The following MMP11 variants were observed in gnomAD, a reference collection of about 807,000 sequenced individuals.
MMP11 encodes stromelysin-3.
A neutral mutation model predicts 49.5 loss-of-function variants in MMP11; 26 were observed. That is an observed-to-expected ratio of 0.52 (90% CI 0.38 to 0.73). The LOEUF is 0.73. Ranked by LOEUF, MMP11 falls within the 30% of genes least tolerant of loss-of-function variation. MMP11 has a pLI of 0.00. For synonymous variants in MMP11, 265 were observed against 282.3 expected (o/e 0.94, Z 0.62); for missense variants, 624 against 671.2 (o/e 0.93, Z 0.78).
At chr22:23,776,155 G>T (rs1384381046) in intron 1 of MMP11, among the ~76,000 whole-genome samples, 1 of 152,168 alleles carries the variant, frequency 6.6e-6, no homozygotes, top group Admixed American at 6.5e-5. Flanking sequence ...GGGCATGCCC[G>T]TGGCTCTCCC....
rs1927719033 is a variant in MMP11, at chr22:23,783,461, A to G, written c.1384A>G (p.Lys462Glu). Residue 462 changes from lysine to glutamate, a missense_variant, in exon 8 of 8, where the codon AAG becomes GAG. By Grantham distance (56) the Lys-to-Glu change is moderately conservative (BLOSUM62 1). Coordinates refer to ENST00000215743, the MANE Select transcript of MMP11 (RefSeq NM_005940.5). ...CCTCTACTGGAAGTTTGACCCTGTG[A>G]AGGTGAAGGCTCTGGAAGGCTTCCC... ...GRLYWKFDPV[K>E]VKALEGFPRL... 6.2e-7 allele frequency: 1 copy of G among 1,613,986 alleles called. No individual in the cohort carries two copies. The highest frequency in any genetic ancestry group is 1.3e-5 in the African/African-American group (1 of 74,886).
At position 23,781,241 on chromosome 22, in the gene MMP11, A is replaced by G. The variant is rs1224518468; in HGVS notation, c.907A>G (p.Thr303Ala). 1.2e-6 allele frequency: 2 copies of G among 1,611,440 alleles called. No homozygotes were observed. Among genetic ancestry groups the G allele is most frequent in the South Asian group, 1.1e-5 (1 of 91,092 alleles). Residue 303 changes from threonine to alanine, a missense_variant, in exon 6 of 8, where the codon ACC becomes GCC. Coordinates refer to ENST00000215743, the MANE Select transcript of MMP11 (RefSeq NM_005940.5). The part of the protein sequence containing the change: ...ACEASFDAVS[T>A]IRGELFFFKA... ...TGAGGCCTCCTTTGACGCGGTCTCCACCATCCGAGGCGAGCTCTTTTTCTT... is the reference window on the plus strand; with the variant it reads ...TGAGGCCTCCTTTGACGCGGTCTCCGCCATCCGAGGCGAGCTCTTTTTCTT...
chr22:23,775,713 G>A (rs1013111774), intron 1 of MMP11, among the ~76,000 whole-genome samples: 5 of 152,250 alleles, frequency 3.3e-5, no homozygotes, highest in East Asian at 1.9e-4. Flanking sequence ...AGGCCTGAAA[G>A]CTCCCTTCTA....
intron 7 of MMP11, among the ~76,000 whole-genome samples, chr22:23,782,828 C>G (rs995081134): frequency 2.6e-5 from 4 of 152,116 alleles, no homozygotes; most frequent in Non-Finnish European, 4.4e-5. Flanking sequence ...TGTTGTGAAC[C>G]CAGTTTCCAG....
Position 23,779,334 on chromosome 22 carries a change from T to C in MMP11, c.256T>C (p.Ser86Pro), listed in dbSNP as rs28363648. The C allele has an allele frequency of 0.011, 17,548 of 1,612,914 alleles. 583 individuals carry two copies. Among genetic ancestry groups the C allele is most frequent in the South Asian group, 0.098 (8,895 of 90,958 alleles). Reference sequence around the variant, plus strand: ...TCCCCGCTGTGGCGTGCCCGACCCATCTGATGGGCTGAGTGCCCGCAACCG... The same window carrying C: ...TCCCCGCTGTGGCGTGCCCGACCCACCTGATGGGCTGAGTGCCCGCAACCG... ...RPPRCGVPDP[S>P]DGLSARNRQK... The change falls in exon 2 of 8, where the codon TCT becomes CCT. Residue 86 changes from serine (S) to proline (P), a missense_variant. Transcript: ENST00000215743.
At chr22:23,779,831 T>G in intron 2 of MMP11, 1 of 263,606 alleles carries the variant, frequency 3.8e-6, no homozygotes, top group Non-Finnish European at 7.3e-6. Flanking sequence ...CCATCACAAC[T>G]TGGGCTTCGA....
In MMP11 at chr22:23,779,201, C is replaced by T. The variant is rs1433837976; in HGVS notation, c.123C>T (p.Leu41=). ...CTCCTGCCTAGGACGCCCACCACCT[C>T]CATGCCGAGAGGAGGGGGCCACAGC... ...ARALPPDAHH[L]HAERRGPQPW... The change falls in exon 2 of 8, where the codon CTC becomes CTT. Residue 41 remains leucine, a synonymous_variant. Coordinates refer to ENST00000215743, the MANE Select transcript of MMP11 (RefSeq NM_005940.5). The T allele has an allele frequency of 6.2e-7, 1 of 1,600,044 alleles. No homozygotes were observed. Among genetic ancestry groups the T allele is most frequent in the African/African-American group, 1.3e-5 (1 of 74,852 alleles).
intron 2 of MMP11, chr22:23,779,739 C>A: frequency 2.3e-6 from 1 of 427,972 alleles, no homozygotes; most frequent in South Asian, 3.4e-5. Flanking sequence ...GGCTCTGGGA[C>A]TCCACGGTGA....
rs962926280 is a variant in MMP11, at chr22:23,783,152, A to T, written c.1334-259A>T. Among the ~76,000 whole-genome samples the T allele has an allele frequency of 4.6e-5, 7 of 152,132 alleles. No homozygotes were observed. In the South Asian group the frequency reaches 1.5e-3, roughly 32 times the overall value. On this transcript the variant is annotated intron_variant, in intron 7 of 7. Coordinates refer to ENST00000215743, the MANE Select transcript of MMP11 (RefSeq NM_005940.5). ...GGGACTTGCTTTCCTGAGAGGTGGG[A>T]CTCAGGCCTCTGAGGCTCTGGGTAC...
Position 23,779,422 on chromosome 22 carries a change from G to T in MMP11, c.338+6G>T. The T allele has an allele frequency of 6.2e-7, 1 of 1,607,072 alleles. No homozygotes were observed. Among genetic ancestry groups the T allele is most frequent in the Non-Finnish European group, 8.5e-7 (1 of 1,176,912 alleles). On this transcript the variant is annotated splice_donor_region_variant and intron_variant, in intron 2 of 7. Transcript: ENST00000215743. ...AAGACGGACCTCACCTACAGGTAGG[G>T]GCCTGGGAGCAGGACACTAGGATGC...
intron 1 of MMP11, among the ~76,000 whole-genome samples, chr22:23,777,161 G>A (rs1255068776): frequency 7.2e-6 from 1 of 138,100 alleles, no homozygotes; most frequent in Non-Finnish European, 1.5e-5. Flanking sequence ...GGTGGCTCAC[G>A]CCTGTAATCC....
Position 23,772,914 on chromosome 22 carries a change from T to C in MMP11, c.44T>C (p.Leu15Pro). The change falls in exon 1 of 8, where the codon CTC becomes CCC. Residue 15 changes from leucine to proline, a missense_variant. Coordinates refer to ENST00000215743, the MANE Select transcript of MMP11 (RefSeq NM_005940.5). Reference sequence around the variant, plus strand: ...CTCCGCAGCGCGGCCGCGCGCGCCCTCCTGCCCCCGATGCTGCTGCTGCTG... The same window carrying C: ...CTCCGCAGCGCGGCCGCGCGCGCCCCCCTGCCCCCGATGCTGCTGCTGCTG... ...AWLRSAAARALLPPMLLLLLQ... is the reference protein window; with the variant it reads ...AWLRSAAARAPLPPMLLLLLQ... 1.7e-6 allele frequency: 2 copies of C among 1,195,820 alleles called. No individual in the cohort carries two copies. The highest frequency in any genetic ancestry group is 3.6e-5 in the South Asian group (1 of 28,120). The allele number at this position is 1,195,820 out of a possible 1,614,324, so 74.1% of individuals were successfully genotyped here.
Position 23,781,035 on chromosome 22 carries a change from AC to A in MMP11, c.795del (p.Ser266ProfsTer12). 1 of 1,611,422 alleles carries A rather than the reference AC, an allele frequency of 6.2e-7. No individual in the cohort carries two copies. The highest frequency in any genetic ancestry group is 8.5e-7 in the Non-Finnish European group (1 of 1,179,890). On this transcript the variant is annotated frameshift_variant, in exon 5 of 8. Transcript: ENST00000215743. LOFTEE classifies it high-confidence loss of function. ...HLYGQPWPTV[T>X]SRTPALGPQA... ...ATATGGCCAGCCCTGGCCCACTGTC[AC>A]CTCCAGGACCCCAGCCCTGGGCCCC...
chr22:23,775,144 CAG>C lies in MMP11; in HGVS notation c.108+2167_108+2168del, dbSNP rs28363625. Among the ~76,000 whole-genome samples, 1,143 of 152,332 alleles carry C rather than the reference CAG, an allele frequency of 7.5e-3. 12 individuals carry two copies. Among genetic ancestry groups the C allele is most frequent in the African/African-American group, 0.025 (1,037 of 41,572 alleles). ...GGAGAAAAGCCAAGAGCTGGGGAGA[CAG>C]GGGGAAGCCCTGGAGGTGGGAGGCA... On this transcript the variant is annotated intron_variant, in intron 1 of 7. Transcript: ENST00000215743.
chr22:23,782,246 G>C lies in MMP11; in HGVS notation c.1096G>C (p.Asp366His), dbSNP rs1038416760. The change falls in exon 7 of 8, where the codon GAC (aspartate) becomes CAC (histidine). Residue 366 changes from aspartate to histidine, a missense_variant. Coordinates refer to ENST00000215743, the MANE Select transcript of MMP11 (RefSeq NM_005940.5). ...GGCAGGTGCTCAGTACTGGGTGTAC[G>C]ACGGTGAAAAGCCAGTCCTGGGCCC... ...FFQGAQYWVY[D>H]GEKPVLGPAP... 8 of 1,613,390 alleles carry C rather than the reference G, an allele frequency of 5.0e-6. No homozygotes were observed. The East Asian group carries it at 1.8e-4, about 36-fold the overall frequency.
chr22:23,776,520 T>C (rs1177477414), intron 1 of MMP11, among the ~76,000 whole-genome samples: 2 of 152,098 alleles, frequency 1.3e-5, no homozygotes, highest in African/African-American at 4.8e-5. Context: ...CGCTGAATAA[T>C]TTGCACCTCA....
rs768632639 is a variant in MMP11 at position 23,783,403 on chromosome 22, C to T, written c.1334-8C>T. 6.2e-6 allele frequency: 10 copies of T among 1,613,956 alleles called. No individual in the cohort carries two copies. The South Asian group carries it at 1.1e-4, about 18-fold the overall frequency. ...GCTCGCCCAGGCTTGACCACCTTCT[C>T]TTCTCAGGCTATGCCTACTTCCTGC... is the stretch of plus-strand genomic sequence containing the variant. On this transcript the variant is annotated splice_polypyrimidine_tract_variant and splice_region_variant and intron_variant, in intron 7 of 7. Transcript: ENST00000215743.
chr22:23,777,944 C>T (rs1927474530), intron 1 of MMP11: 1 of 152,252 alleles, frequency 6.6e-6, no homozygotes, highest in African/African-American at 2.4e-5. Context: ...GCTCTGGGAT[C>T]AGGAGCAGGG....
At position 23,780,076 on chromosome 22, in the gene MMP11, C is replaced by T. The variant is rs1238165405; in HGVS notation, c.339-283C>T. ...GGCTCAAGGAACCAAGGTGTCCCCA[C>T]AGTAAGTGGCACTGTCAGGTCTAGG... On this transcript the variant is annotated intron_variant, in intron 2 of 7. Transcript: ENST00000215743. The surrounding 1 kb of genome is among the most constrained non-coding windows in gnomAD (Gnocchi z 4.6). 3.5e-5 allele frequency: 17 copies of T among 492,638 alleles called. No homozygotes were observed. Among genetic ancestry groups the T allele is most frequent in the Non-Finnish European group, 4.8e-5 (13 of 272,384 alleles). The allele number at this position is 492,638 out of a possible 1,614,324, so 30.5% of individuals were successfully genotyped here.
Sources: gnomAD v4.1 joint callset for allele counts (sites outside exome capture counted in the v4.1 genomes callset) on GRCh38, gnomAD v4.1.1 for gene constraint, Gnocchi (gnomAD v3.1) non-coding constraint, MANE v1.5 for transcripts, NCBI Gene and HGNC (gene_info 2026-07-23, HGNC 2026-07-21) for gene names.